The following DFFB variants were observed in gnomAD, a reference collection of about 807,000 sequenced individuals.
DFFB encodes the protein DNA fragmentation factor 40 kDa subunit.
Under a neutral mutation model 32.7 loss-of-function variants are expected in DFFB, and 29 were observed. The ratio of observed to expected loss-of-function variants is 0.89; its 90% confidence interval spans 0.66 to 1.21. The LOEUF is 1.21. Ranked by LOEUF, DFFB falls within the 50% of genes most tolerant of loss-of-function variation. The pLI is 0.00. For missense variants in DFFB, 398 were observed against 440.6 expected (o/e 0.90, Z 0.87); for synonymous variants, 170 against 177.1 (o/e 0.96, Z 0.32).
intron 4 of DFFB, 100 bp from the exon 5 acceptor site, chr1:3,869,505 G>A (rs1645066568): frequency 7.8e-7 from 1 of 1,283,700 alleles, no homozygotes; most frequent in South Asian, 1.4e-5. Context: ...ACTGGGCTTG[G>A]GCAGGGTCTC....
chr1:3,882,489 T>G (rs1052688884), intron 6 of DFFB, among the ~76,000 whole-genome samples: 1 of 151,834 alleles, frequency 6.6e-6, no homozygotes, highest in Non-Finnish European at 1.5e-5. Context: ...TTCAGCCTCC[T>G]GGGCAGCTGG....
chr1:3,859,915 CT>C (rs1360349629), intron 2 of DFFB, among the ~76,000 whole-genome samples: 1 of 152,116 alleles, frequency 6.6e-6, no homozygotes. Context: ...TGCTCTCTCT[CT>C]GTCTCTCCCT....
At position 3,860,535 on chromosome 1, in the gene DFFB, G is replaced by A. The variant is rs763975096; in HGVS notation, c.241+1691G>A. On this transcript the variant is annotated intron_variant, in intron 2 of 6. Transcript: ENST00000378209. Reference sequence around the variant, plus strand: ...TGAGCCACTGTGCCTGGCCTAAACCGTTTATTTAGAAATAATGACAGATTC... The same window carrying A: ...TGAGCCACTGTGCCTGGCCTAAACCATTTATTTAGAAATAATGACAGATTC... The A allele has an allele frequency of 4.8e-5, 18 of 372,440 alleles. 2 individuals are homozygous for A. Among genetic ancestry groups the A allele is most frequent in the Admixed American group, 3.9e-4 (14 of 36,044 alleles). The allele number at this position is 372,440 out of a possible 1,614,324, so 23.1% of individuals were successfully genotyped here. A position where few individuals can be genotyped will look rare whatever the true frequency, so the allele number is the denominator to read the frequency against.
chr1:3,857,858 C>T (rs1328021307), intron 1 of DFFB, 141 bp downstream of exon 1: 1 of 585,168 alleles, frequency 1.7e-6, no homozygotes, highest in Admixed American at 3.9e-5. Flanking sequence ...CGCTAGGACC[C>T]CGGGCCCCCG....
Position 3,870,338 on chromosome 1 carries a change from G to A in DFFB, c.681+563G>A, listed in dbSNP as rs981131341. On this transcript the variant is annotated intron_variant, in intron 5 of 6. Transcript: ENST00000378209. ...TTCCCGGTAAGGTCCACTGATGCCC[G>A]TGATCTTCCGAGTGCCACTCAGTGG... Among the ~76,000 whole-genome samples, 28 of 152,326 alleles carry A rather than the reference G, an allele frequency of 1.8e-4. 1 individual carries two copies. In the Middle Eastern group the frequency reaches 0.02, roughly 111 times the overall value.
In DFFB at chr1:3,885,223, G is replaced by C. The variant is rs1416938438; in HGVS notation, c.*1482G>C. 6.6e-6 allele frequency: 1 copy of C among 152,220 alleles called. No homozygotes were observed. The highest frequency in any genetic ancestry group is 1.5e-5 in the Non-Finnish European group (1 of 68,044). The allele number at this position is 152,220 out of a possible 1,614,324, so 9.4% of individuals were successfully genotyped here. On this transcript the variant is annotated 3_prime_UTR_variant, in exon 7 of 7. Transcript: ENST00000378209. The stretch of plus-strand genomic sequence containing the variant: ...AGGAAACACGCGGATCTGAACAGCA[G>C]TAATCCTGGGGGATACGGGGGTTGG...
At chr1:3,872,339 G>T in intron 5 of DFFB, 133 bp from the exon 6 acceptor site, 1 of 633,368 alleles carries the variant, frequency 1.6e-6, no homozygotes, top group Non-Finnish European at 2.8e-6. Context: ...CTTCAACACG[G>T]GAGGCGGAGG....
At chr1:3,877,743 T>C (rs896323598) in intron 6 of DFFB, among the ~76,000 whole-genome samples, 3 of 152,238 alleles carry the variant, frequency 2.0e-5, no homozygotes, top group Non-Finnish European at 4.4e-5. Context: ...CAGTGTCTTG[T>C]GTTCCTGCCT....
At chr1:3,880,330 G>A (rs780257030) in intron 6 of DFFB, among the ~76,000 whole-genome samples, 22 of 152,344 alleles carry the variant, frequency 1.4e-4, no homozygotes, top group African/African-American at 2.6e-4. Context: ...TTCCTGGACC[G>A]CCCCCTCTGT....
intron 6 of DFFB, among the ~76,000 whole-genome samples, chr1:3,876,247 A>G (rs1448439317): frequency 6.6e-6 from 1 of 152,180 alleles, no homozygotes; most frequent in African/African-American, 2.4e-5. Context: ...CGCCATCCAA[A>G]TGCTCTTGTC....
intron 2 of DFFB, among the ~76,000 whole-genome samples, chr1:3,864,799 T>G (rs1644943666): frequency 6.6e-6 from 1 of 152,076 alleles, no homozygotes; most frequent in African/African-American, 2.4e-5. Context: ...TTCTCCCACC[T>G]CGGTCTCTGA....
chr1:3,872,414 G>C lies in DFFB; in HGVS notation c.682-58G>C, dbSNP rs202230553. Reference sequence around the variant, plus strand: ...GCGACAGAGCGAGGCGCTGTCTCAAGAAAAAAAAAAAAAGAGACTCACTTT... The same window carrying C: ...GCGACAGAGCGAGGCGCTGTCTCAACAAAAAAAAAAAAAGAGACTCACTTT... On this transcript the variant is annotated intron_variant, in intron 5 of 6. Transcript: ENST00000378209. 719 of 1,071,426 alleles carry C rather than the reference G, an allele frequency of 6.7e-4. 1 individual carries two copies. The African/African-American group carries it at 0.011, about 17-fold the overall frequency. 66.4% of individuals were successfully genotyped at this position (1,071,426 alleles called of 1,614,324 possible).
rs746125016 is a variant in DFFB at position 3,872,517 on chromosome 1, C to A, written c.727C>A (p.Pro243Thr). Reference protein sequence around the residue: ...DSCLSRHSINPYSNRESRILF... With the variant: ...DSCLSRHSINTYSNRESRILF... ...CTGCTTATCAAGACACTCCATCAAC[C>A]CCTACAGTAACAGGGAGAGCAGGAT... Residue 243 changes from proline to threonine, a missense_variant, in exon 6 of 7, where the codon CCC becomes ACC. By Grantham distance (38) the Pro-to-Thr change is conservative. Transcript: ENST00000378209. 2 of 1,614,186 alleles carry A rather than the reference C, an allele frequency of 1.2e-6. No homozygotes were observed. Among genetic ancestry groups the A allele is most frequent in the East Asian group, 2.2e-5 (1 of 44,884 alleles).
intron 6 of DFFB, 109 bp downstream of exon 6, chr1:3,872,681 A>ATGGCC: frequency 4.1e-6 from 4 of 977,972 alleles, no homozygotes; most frequent in African/African-American, 1.6e-5. Context: ...TGTCCCTGCC[A>ATGGCC]CGGTGTTGCC....
At chr1:3,882,131 C>T (rs963029653) in intron 6 of DFFB, among the ~76,000 whole-genome samples, 1 of 152,164 alleles carries the variant, frequency 6.6e-6, no homozygotes, top group Non-Finnish European at 1.5e-5. Context: ...CTCACTGCAA[C>T]CTCCGCCTCC....
Position 3,869,687 on chromosome 1 carries a change from G to A in DFFB, c.593G>A (p.Arg198Gln), listed in dbSNP as rs754298075. The stretch of plus-strand genomic sequence containing the variant: ...CTCGGCTCCATGTGCCAGAGGCTCC[G>A]GTCCATGCAGTACAATGGCAGCTAC... ...RVLGSMCQRLRSMQYNGSYFD... is the reference protein window; with the variant it reads ...RVLGSMCQRLQSMQYNGSYFD... The change falls in exon 5 of 7, where the codon CGG becomes CAG. Residue 198 changes from arginine to glutamine, a missense_variant. By Grantham distance (43) the Arg-to-Gln change is conservative (BLOSUM62 1). Transcript: ENST00000378209. 6 of 1,613,338 alleles carry A rather than the reference G, an allele frequency of 3.7e-6. No individual in the cohort carries two copies. The highest frequency in any genetic ancestry group is 4.5e-5 in the East Asian group (2 of 44,892).
intron 3 of DFFB, chr1:3,866,314 C>CCGCA: frequency 2.3e-6 from 1 of 441,626 alleles, no homozygotes; most frequent in South Asian, 1.7e-5. Flanking sequence ...TCTTGGCTCA[C>CCGCA]CGCAACCTCT....
At chr1:3,858,680 GA>G (rs748592254) in intron 1 of DFFB, 37 bp from the exon 2 acceptor site, 1 of 1,606,836 alleles carries the variant, frequency 6.2e-7, no homozygotes, top group South Asian at 1.1e-5. Context: ...CTCGTCTTGA[GA>G]CCCTTCCTCC....
intron 6 of DFFB, among the ~76,000 whole-genome samples, chr1:3,883,257 G>A (rs575814869): frequency 6.6e-5 from 10 of 152,196 alleles, no homozygotes; most frequent in African/African-American, 2.4e-4. Flanking sequence ...CACCCGCCTC[G>A]GCCTCCCAAA....
Sources: allele counts gnomAD v4.1 joint callset (sites outside exome capture counted in the v4.1 genomes callset), GRCh38; gene constraint gnomAD v4.1.1; transcripts MANE v1.5; gene names NCBI Gene and HGNC (gene_info 2026-07-23, HGNC 2026-07-21).